NXPH1: variants seen among roughly 807,000 people sequenced by gnomAD.
NXPH1 encodes neurexophilin-1.
A neutral mutation model predicts 23.7 loss-of-function variants in NXPH1; 5 were observed. That is an observed-to-expected ratio of 0.21 (90% CI 0.11 to 0.44). The LOEUF (loss-of-function observed/expected upper bound fraction) is 0.44. Among genes scored for constraint, NXPH1 ranks in the 20% least tolerant of loss-of-function variants. NXPH1 has a pLI of 0.99. For missense variants in NXPH1, 324 were observed against 321.6 expected, an observed-to-expected ratio of 1.01 and a Z score of -0.06; for synonymous variants, 144 against 122.2, an observed-to-expected ratio of 1.18 and a Z score of -1.18.
chr7:8,731,981 G>A (rs1780164084), intron 2 of NXPH1, among the ~76,000 whole-genome samples: 1 of 152,238 alleles, frequency 6.6e-6, no homozygotes, highest in Admixed American at 6.5e-5. Flanking sequence ...TGCTGTGCTA[G>A]CAATCAGCAA....
At chr7:8,732,664 C>T (rs958661502) in intron 2 of NXPH1, among the ~76,000 whole-genome samples, 4 of 152,014 alleles carry the variant, frequency 2.6e-5, no homozygotes, top group African/African-American at 9.7e-5. Flanking sequence ...ATTATTATAA[C>T]CATGTACTCA....
intron 2 of NXPH1, among the ~76,000 whole-genome samples, chr7:8,717,911 T>TATATATATATAC (rs1465301244): frequency 6.6e-6 from 1 of 150,978 alleles, no homozygotes; most frequent in African/African-American, 2.4e-5. Context: ...TATATATATA[T>TATATATATATAC]ACACAACATG....
At chr7:8,715,330 T>A (rs973974952) in intron 2 of NXPH1, among the ~76,000 whole-genome samples, 1 of 152,112 alleles carries the variant, frequency 6.6e-6, no homozygotes, top group Non-Finnish European at 1.5e-5. Flanking sequence ...GGCATCAAAA[T>A]TTGAGATTGT....
intron 2 of NXPH1, among the ~76,000 whole-genome samples, chr7:8,640,873 G>C (rs937043623): frequency 4.6e-5 from 7 of 152,110 alleles, no homozygotes; most frequent in African/African-American, 1.7e-4. Context: ...TGGATCTCTT[G>C]AGTCTGGGAG....
At chr7:8,491,638 G>T (rs1817249668) in intron 2 of NXPH1, among the ~76,000 whole-genome samples, 2 of 151,974 alleles carry the variant, frequency 1.3e-5, no homozygotes, top group Admixed American at 1.3e-4. Context: ...AAGCTAGAAA[G>T]GGCTATCGTT....
intron 2 of NXPH1, among the ~76,000 whole-genome samples, chr7:8,663,373 G>A (rs910981241): frequency 2.0e-5 from 3 of 151,956 alleles, no homozygotes; most frequent in Admixed American, 6.6e-5. Flanking sequence ...CTGGTCTCAC[G>A]ATCCATCTGA....
At chr7:8,462,938 A>G (rs772196108) in intron 2 of NXPH1, among the ~76,000 whole-genome samples, 1 of 152,164 alleles carries the variant, frequency 6.6e-6, no homozygotes, top group Admixed American at 6.5e-5. Flanking sequence ...CAAAGTTTGA[A>G]GAGACATTAC....
At chr7:8,492,366 C>T (rs143127642) in intron 2 of NXPH1, among the ~76,000 whole-genome samples, 2 of 152,068 alleles carry the variant, frequency 1.3e-5, no homozygotes, top group African/African-American at 4.8e-5. Context: ...TTGATTTAGC[C>T]ATGTAAGAGC....
chr7:8,482,708 C>G (rs1817095091), intron 2 of NXPH1, among the ~76,000 whole-genome samples: 1 of 152,146 alleles, frequency 6.6e-6, no homozygotes, highest in African/African-American at 2.4e-5. Context: ...CCTCAGAATA[C>G]TTAATACTAT....
At chr7:8,477,602 T>A (rs1285864609) in intron 2 of NXPH1, among the ~76,000 whole-genome samples, 1 of 151,962 alleles carries the variant, frequency 6.6e-6, no homozygotes, top group African/African-American at 2.4e-5. Flanking sequence ...TTAATGCGCC[T>A]CTTAACGTAA....
At chr7:8,691,044 G>A (rs1821213995) in intron 2 of NXPH1, among the ~76,000 whole-genome samples, 1 of 152,190 alleles carries the variant, frequency 6.6e-6, no homozygotes, top group Non-Finnish European at 1.5e-5. Context: ...CTAACTGATT[G>A]GGGTGACATA....
At chr7:8,511,525 C>T (rs1402168551) in intron 2 of NXPH1, among the ~76,000 whole-genome samples, 1 of 152,060 alleles carries the variant, frequency 6.6e-6, no homozygotes, top group Non-Finnish European at 1.5e-5. Flanking sequence ...AACTAGAGAC[C>T]TTGACATATC....
intron 2 of NXPH1, among the ~76,000 whole-genome samples, chr7:8,705,322 G>A (rs777898018): frequency 6.6e-6 from 1 of 152,074 alleles, no homozygotes; most frequent in Non-Finnish European, 1.5e-5. Flanking sequence ...ACACTCAAAC[G>A]GCAACTGTCA....
chr7:8,681,644 C>T (rs973017729), intron 2 of NXPH1, among the ~76,000 whole-genome samples: 1 of 152,120 alleles, frequency 6.6e-6, no homozygotes, highest in Non-Finnish European at 1.5e-5. Context: ...TGTTAACAGT[C>T]ATATCTAAAT....
At chr7:8,639,524 G>A (rs1409297669) in intron 2 of NXPH1, among the ~76,000 whole-genome samples, 1 of 152,068 alleles carries the variant, frequency 6.6e-6, no homozygotes, top group South Asian at 2.1e-4. Context: ...TGGCTGAAAA[G>A]TTGTACCTTG....
intron 2 of NXPH1, among the ~76,000 whole-genome samples, chr7:8,643,590 C>T (rs1414141277): frequency 6.6e-6 from 1 of 152,066 alleles, no homozygotes; most frequent in Non-Finnish European, 1.5e-5. Flanking sequence ...TAGCCTAATA[C>T]ATGTTCAGGT....
In NXPH1 at chr7:8,703,723, A is replaced by T. The variant is rs1225466303; in HGVS notation, c.55-47285A>T. On this transcript the variant is annotated intron_variant, in intron 2 of 2. Coordinates refer to ENST00000405863, the MANE Select transcript of NXPH1 (RefSeq NM_152745.3). ...AGAAAAGGGCAAACTCCTTTCTTTA[A>T]ACCCTTGTTTCAAATCACTGTTAGA... Among the ~76,000 whole-genome samples, 2 of 152,160 alleles carry T rather than the reference A, an allele frequency of 1.3e-5. 1 individual carries two copies. The highest frequency in any genetic ancestry group is 2.9e-5 in the Non-Finnish European group (2 of 68,018).
chr7:8,626,190 T>A lies in NXPH1; in HGVS notation c.55-124818T>A, dbSNP rs559822858. ...TTAACCTGATGAGGAAAGTCAATTC[T>A]GAAAAAAAAAAGAACATTTTAATAA... On this transcript the variant is annotated intron_variant, in intron 2 of 2. Coordinates refer to ENST00000405863, the MANE Select transcript of NXPH1 (RefSeq NM_152745.3). Among the ~76,000 whole-genome samples, 10 of 149,284 alleles carry A rather than the reference T, an allele frequency of 6.7e-5. No individual in the cohort carries two copies. The Admixed American group carries it at 6.8e-4, about 10-fold the overall frequency.
chr7:8,690,989 G>A (rs1821213233), intron 2 of NXPH1, among the ~76,000 whole-genome samples: 1 of 152,104 alleles, frequency 6.6e-6, no homozygotes, highest in African/African-American at 2.4e-5. Context: ...TTCCTCTGAA[G>A]ACTTCCTTTT....
Sources: allele counts gnomAD v4.1 joint callset (sites outside exome capture counted in the v4.1 genomes callset), GRCh38; gene constraint gnomAD v4.1.1; transcripts MANE v1.5; gene names NCBI Gene and HGNC (gene_info 2026-07-23, HGNC 2026-07-21).